TANGO6: variants seen among roughly 807,000 people sequenced by gnomAD.
The protein encoded by TANGO6 is transport and golgi organization 6 homolog, also known as transport and Golgi organization protein 6 homolog.
A neutral mutation model predicts 114.2 loss-of-function variants in TANGO6; 90 were observed. The ratio of observed to expected loss-of-function variants is 0.79; its 90% CI spans 0.66 to 0.94. The LOEUF is 0.94. TANGO6 is among the 40% of genes least tolerant of loss of function. The probability of loss-of-function intolerance (pLI) is 0.00; values close to 1 mark genes in which losing one functional copy is unlikely to be tolerated. For missense variants in TANGO6, 1,274 were observed against 1,315.3 expected (o/e 0.97, Z 0.49); for synonymous variants, 477 against 509.8 (o/e 0.94, Z 0.87).
chr16:68,916,461 C>T (rs1319082298), intron 11 of TANGO6, among the ~76,000 whole-genome samples: 1 of 150,576 alleles, frequency 6.6e-6, no homozygotes, highest in Non-Finnish European at 1.5e-5. Flanking sequence ...CTCTCCCCCT[C>T]CCGCCCCTGC....
At chr16:69,032,009 C>T (rs962958038) in intron 16 of TANGO6, among the ~76,000 whole-genome samples, 1 of 151,880 alleles carries the variant, frequency 6.6e-6, no homozygotes, top group Non-Finnish European at 1.5e-5. Context: ...GGGGTTGATC[C>T]AGAAACCTAG....
intron 2 of TANGO6, 85 bp downstream of exon 2, chr16:68,860,609 C>A: frequency 1.3e-6 from 2 of 1,493,876 alleles, no homozygotes; most frequent in Admixed American, 2.1e-5. Flanking sequence ...TTATAAAAGG[C>A]AACTCTTAGT....
intron 17 of TANGO6, among the ~76,000 whole-genome samples, chr16:69,066,141 A>G (rs1960210288): frequency 6.6e-6 from 1 of 152,056 alleles, no homozygotes; most frequent in Non-Finnish European, 1.5e-5. Context: ...ACTACATTAA[A>G]TTCATTTCCC....
intron 16 of TANGO6, among the ~76,000 whole-genome samples, chr16:69,030,404 A>G (rs1323148677): frequency 1.3e-5 from 2 of 152,024 alleles, no homozygotes; most frequent in Non-Finnish European, 2.9e-5. Context: ...GAATCCAGAG[A>G]ACAAGTAGAA....
rs146103821 is a variant in TANGO6, at chr16:68,862,886, T to C, written c.736-59T>C. ...ATCTCTGTACAGTGTTGTAAAACTT[T>C]ACCTTCTATTGTCTGCCTGGTTTGA... On this transcript the variant is annotated intron_variant, in intron 2 of 17. Coordinates refer to ENST00000261778, the MANE Select transcript of TANGO6 (RefSeq NM_024562.2). 2.6e-6 allele frequency: 3 copies of C among 1,155,854 alleles called. No homozygotes were observed. The East Asian group carries it at 7.6e-5, about 29-fold the overall frequency. 71.6% of individuals were successfully genotyped at this position (1,155,854 alleles called of 1,614,324 possible).
At chr16:69,073,865 G>GA (rs1960332401) in intron 17 of TANGO6, among the ~76,000 whole-genome samples, 1 of 151,928 alleles carries the variant, frequency 6.6e-6, no homozygotes, top group South Asian at 2.1e-4. Context: ...TGAGGCAGGA[G>GA]AATCGCTTGA....
At position 68,878,102 on chromosome 16, in the gene TANGO6, TGTA is replaced by T. The variant is rs1443012630; in HGVS notation, c.1132-13_1132-11del. ...TTGCAAAAAACTGGTATTTACTTCT[TGTA>T]GTTTTTTTGTAGGTTCTGGATTTAT... is the stretch of plus-strand genomic sequence containing the variant. On this transcript the variant is annotated splice_polypyrimidine_tract_variant and intron_variant, in intron 5 of 17. Coordinates refer to ENST00000261778, the MANE Select transcript of TANGO6 (RefSeq NM_024562.2). 1.3e-6 allele frequency: 2 copies of T among 1,599,576 alleles called. No homozygotes were observed. The highest frequency in any genetic ancestry group is 8.5e-7 in the Non-Finnish European group (1 of 1,173,416).
chr16:69,049,247 C>T (rs148340195), intron 17 of TANGO6, among the ~76,000 whole-genome samples: 252 of 152,056 alleles, frequency 1.7e-3, no homozygotes, highest in Admixed American at 4.5e-3. Flanking sequence ...TCCTCTTCCC[C>T]GTTCTCCTCT....
chr16:68,965,630 C>T (rs975795410), intron 14 of TANGO6, among the ~76,000 whole-genome samples: 4 of 151,770 alleles, frequency 2.6e-5, no homozygotes, highest in East Asian at 1.9e-4. Flanking sequence ...GGTGAAACCC[C>T]GTCTCTACTA....
chr16:68,860,653 T>C, intron 2 of TANGO6, 129 bp downstream of exon 2: 1 of 1,214,324 alleles, frequency 8.2e-7, no homozygotes, highest in Non-Finnish European at 1.1e-6. Context: ...GCATATCCAA[T>C]GGATAAATGA....
intron 2 of TANGO6, among the ~76,000 whole-genome samples, chr16:68,861,878 T>C (rs1270983914): frequency 6.6e-6 from 1 of 152,032 alleles, no homozygotes; most frequent in African/African-American, 2.4e-5. Flanking sequence ...TACCCCAAAA[T>C]TGTACCCCCT....
chr16:69,019,102 A>G (rs1959357350), intron 15 of TANGO6, among the ~76,000 whole-genome samples: 1 of 152,206 alleles, frequency 6.6e-6, no homozygotes, highest in Non-Finnish European at 1.5e-5. Flanking sequence ...ATCACTGCAT[A>G]GTAATCCGTA....
chr16:68,965,126 A>G (rs922978683), intron 14 of TANGO6, among the ~76,000 whole-genome samples: 1 of 152,080 alleles, frequency 6.6e-6, no homozygotes, highest in Non-Finnish European at 1.5e-5. Context: ...AAGACATTCT[A>G]TGAAATGCAA....
intron 16 of TANGO6, among the ~76,000 whole-genome samples, chr16:69,036,320 TATGGGTGCTTG>T (rs1959686566): frequency 6.6e-6 from 1 of 152,156 alleles, no homozygotes; most frequent in Non-Finnish European, 1.5e-5. Flanking sequence ...ACAAGCTGGT[TATGGGTGCTTG>T]ACCTGAACTG....
chr16:69,057,912 A>G (rs1229547773), intron 17 of TANGO6, among the ~76,000 whole-genome samples: 1 of 152,152 alleles, frequency 6.6e-6, no homozygotes, highest in Non-Finnish European at 1.5e-5. Context: ...GTCCAACCAC[A>G]GACTACGCGA....
At chr16:68,887,388 T>C (rs1395392640) in intron 7 of TANGO6, among the ~76,000 whole-genome samples, 1 of 152,090 alleles carries the variant, frequency 6.6e-6, no homozygotes, top group Non-Finnish European at 1.5e-5. Context: ...TTTCAGACCA[T>C]AGGAGAATTC....
intron 17 of TANGO6, among the ~76,000 whole-genome samples, chr16:69,069,773 T>C (rs555089101): frequency 6.6e-6 from 1 of 152,228 alleles, no homozygotes; most frequent in South Asian, 2.1e-4. Flanking sequence ...CTTGTTTCTA[T>C]AGAATATTGA....
chr16:68,957,825 T>G (rs1426016826), intron 14 of TANGO6, among the ~76,000 whole-genome samples: 1 of 152,154 alleles, frequency 6.6e-6, no homozygotes, highest in East Asian at 1.9e-4. Context: ...AATTATCTAA[T>G]AGATTTGAAA....
At chr16:69,036,262 A>G (rs1193024331) in intron 16 of TANGO6, among the ~76,000 whole-genome samples, 1 of 152,084 alleles carries the variant, frequency 6.6e-6, no homozygotes, top group East Asian at 1.9e-4. Context: ...CCCCACTTCT[A>G]GTGTTGGACA....
Sources: gnomAD v4.1 joint callset for allele counts (sites outside exome capture counted in the v4.1 genomes callset) on GRCh38, gnomAD v4.1.1 for gene constraint, MANE v1.5 for transcripts, NCBI Gene and HGNC (gene_info 2026-07-23, HGNC 2026-07-21) for gene names.